Variants in EPHA4 observed in about 807,000 individuals in gnomAD.
The protein encoded by EPHA4 is EPH receptor A4.
EPHA4 carries 19 observed loss-of-function variants against 108.3 expected under a neutral mutation model. That is an observed-to-expected ratio of 0.18 (90% CI 0.12 to 0.26). EPHA4 has a LOEUF of 0.26. Among genes scored for constraint, EPHA4 ranks in the 10% least tolerant of loss-of-function variants. The pLI, the probability that EPHA4 is intolerant of heterozygous loss-of-function variation, is 1.00. For synonymous variants in EPHA4, 449 were observed against 455.5 expected, an observed-to-expected ratio of 0.99 and a Z score of 0.18; for missense variants, 917 against 1,254.0, an observed-to-expected ratio of 0.73 and a Z score of 4.06.
At chr2:221,554,658 G>A (rs1262612560) in intron 3 of EPHA4, among the ~76,000 whole-genome samples, 2 of 152,134 alleles carry the variant, frequency 1.3e-5, no homozygotes, top group African/African-American at 4.8e-5. Context: ...CAGAATTATA[G>A]TCAATACACA....
At chr2:221,509,654 G>A (rs1040978223) in intron 3 of EPHA4, among the ~76,000 whole-genome samples, 2 of 152,136 alleles carry the variant, frequency 1.3e-5, no homozygotes, top group Non-Finnish European at 2.9e-5. Flanking sequence ...GTGTATAAAG[G>A]AATATACCAG....
At chr2:221,500,545 T>A (rs928401875) in intron 4 of EPHA4, among the ~76,000 whole-genome samples, 2 of 152,200 alleles carry the variant, frequency 1.3e-5, no homozygotes, top group African/African-American at 4.8e-5. Flanking sequence ...GGGGCCTAAG[T>A]CTTATGAACA....
chr2:221,447,248 CTA>C (rs2106109740), intron 8 of EPHA4, among the ~76,000 whole-genome samples: 2 of 152,226 alleles, frequency 1.3e-5, no homozygotes, highest in Admixed American at 1.3e-4. Flanking sequence ...AATTTACATT[CTA>C]TGTTTTCTTA....
At chr2:221,435,214 G>A (rs1485021550) in intron 13 of EPHA4, among the ~76,000 whole-genome samples, 1 of 152,104 alleles carries the variant, frequency 6.6e-6, no homozygotes, top group Non-Finnish European at 1.5e-5. Context: ...CCAGTGTATT[G>A]CATTCATCCT....
In EPHA4 at chr2:221,436,421, G is replaced by A. The variant is rs200730212; in HGVS notation, c.2324C>T (p.Pro775Leu). The change falls in exon 13 of 18, where the codon CCG becomes CTG. Residue 775 changes from proline (P) to leucine (L), a missense_variant. Pro to Leu is a moderately conservative substitution (Grantham distance 98). Around this residue, in one of 3 missense-constraint regions of EPHA4, gnomAD observed 758 missense variants for 1,076.7 expected, o/e 0.70. Transcript: ENST00000281821. ...TACCCTGGTGGTGTAAGCTGCTTCC[G>A]GATCATCCTCAAGCACTCGGGACAT... ...FGMSRVLEDDPEAAYTTRGGK... is the reference protein window; with the variant it reads ...FGMSRVLEDDLEAAYTTRGGK... The A allele has an allele frequency of 1.4e-5, 22 of 1,614,102 alleles. No individual in the cohort carries two copies. Among genetic ancestry groups the A allele is most frequent in the South Asian group, 5.5e-5 (5 of 91,084 alleles).
At chr2:221,530,801 G>C (rs949447317) in intron 3 of EPHA4, among the ~76,000 whole-genome samples, 4 of 152,244 alleles carry the variant, frequency 2.6e-5, no homozygotes, top group African/African-American at 7.2e-5. Flanking sequence ...GGGGGTCAGT[G>C]CTTTTTCAGT....
chr2:221,482,450 G>T lies in EPHA4; in HGVS notation c.1220C>A (p.Thr407Asn). 1.9e-6 allele frequency: 3 copies of T among 1,614,068 alleles called. No individual in the cohort carries two copies. In the Admixed American group the frequency reaches 5.0e-5, roughly 27 times the overall value. Residue 407 changes from threonine to asparagine, a missense_variant, in exon 5 of 18, where the codon ACC (threonine) becomes AAC (asparagine). This residue lies in a region of EPHA4 where 758 missense variants were observed against 1,076.7 expected (regional missense o/e 0.70). Coordinates refer to ENST00000281821, the MANE Select transcript of EPHA4 (RefSeq NM_004438.5). ...AGCCCAGATTTCAAAGGTGTAATTG[G>T]TATGAGCTAGGAGGTCAGTGATGGA... is the stretch of plus-strand genomic sequence containing the variant. Reference protein sequence around the residue: ...KVSITDLLAHTNYTFEIWAVN... With the variant: ...KVSITDLLAHNNYTFEIWAVN...
intron 3 of EPHA4, among the ~76,000 whole-genome samples, chr2:221,539,202 T>C (rs978656647): frequency 2.6e-5 from 4 of 152,218 alleles, no homozygotes; most frequent in South Asian, 2.1e-4. Flanking sequence ...CCACGGTTCA[T>C]GTGTGTTTCA....
At chr2:221,541,046 A>G (rs181852441) in intron 3 of EPHA4, among the ~76,000 whole-genome samples, 2 of 150,058 alleles carry the variant, frequency 1.3e-5, no homozygotes, top group Non-Finnish European at 2.9e-5. Context: ...TCCTGGGTTC[A>G]GGTGAGCCTC....
intron 4 of EPHA4, among the ~76,000 whole-genome samples, chr2:221,498,682 C>T (rs770927981): frequency 5.3e-5 from 8 of 151,378 alleles, no homozygotes; most frequent in Non-Finnish European, 1.2e-4. Context: ...GATGTGAATG[C>T]AGCTCACTGC....
intron 3 of EPHA4, among the ~76,000 whole-genome samples, chr2:221,532,231 T>C (rs529499709): frequency 7.9e-5 from 12 of 152,138 alleles, no homozygotes; most frequent in African/African-American, 2.6e-4. Context: ...CAAGCAATTC[T>C]CCTGCCTCAG....
At chr2:221,470,982 A>T (rs1691468999) in intron 5 of EPHA4, among the ~76,000 whole-genome samples, 1 of 150,952 alleles carries the variant, frequency 6.6e-6, no homozygotes, top group South Asian at 2.1e-4. Flanking sequence ...TTTTTATTTT[A>T]TTTTTTATTT....
intron 17 of EPHA4, among the ~76,000 whole-genome samples, chr2:221,424,918 C>T (rs1689854252): frequency 6.6e-6 from 1 of 152,172 alleles, no homozygotes; most frequent in Admixed American, 6.5e-5. Flanking sequence ...AGGAGCCCTT[C>T]GTGATGGAAA....
chr2:221,421,578 A>C (rs1177129410), intron 17 of EPHA4, among the ~76,000 whole-genome samples: 1 of 152,216 alleles, frequency 6.6e-6, no homozygotes, highest in Non-Finnish European at 1.5e-5. Context: ...TCAGCCTGGA[A>C]TCGAACAAGG....
intron 3 of EPHA4, among the ~76,000 whole-genome samples, chr2:221,508,316 C>T (rs1262417854): frequency 3.3e-5 from 5 of 152,044 alleles, no homozygotes; most frequent in African/African-American, 7.2e-5. Flanking sequence ...TGGTGGCTCA[C>T]GCCTGTAATC....
chr2:221,528,028 C>T (rs531445667), intron 3 of EPHA4, among the ~76,000 whole-genome samples: 22 of 151,964 alleles, frequency 1.4e-4, no homozygotes, highest in Admixed American at 1.2e-3. Context: ...CCCCCAACCC[C>T]GCCGTTTCCC....
chr2:221,490,383 T>A (rs1692105992), intron 4 of EPHA4, among the ~76,000 whole-genome samples: 1 of 152,076 alleles, frequency 6.6e-6, no homozygotes, highest in Admixed American at 6.6e-5. Context: ...ATCACAGACA[T>A]CTAATACTTA....
At chr2:221,547,395 G>A (rs1694028781) in intron 3 of EPHA4, among the ~76,000 whole-genome samples, 1 of 152,170 alleles carries the variant, frequency 6.6e-6, no homozygotes, top group Non-Finnish European at 1.5e-5. Flanking sequence ...ATGAGATGAT[G>A]TTCTGTCTTT....
intron 8 of EPHA4, among the ~76,000 whole-genome samples, chr2:221,451,266 T>C (rs1487809948): frequency 1.3e-5 from 2 of 152,126 alleles, no homozygotes; most frequent in Non-Finnish European, 2.9e-5. Flanking sequence ...TGCCCTAAAA[T>C]AATCTGAATT....
Sources: allele counts gnomAD v4.1 joint callset (sites outside exome capture counted in the v4.1 genomes callset), GRCh38; gene constraint gnomAD v4.1.1; regional missense constraint gnomAD v4.1.1; transcripts MANE v1.5; gene names NCBI Gene and HGNC (gene_info 2026-07-23, HGNC 2026-07-21).